Variants in ATP10B observed in about 807,000 individuals in gnomAD.
ATP10B encodes the protein phospholipid-transporting ATPase VB.
A neutral mutation model predicts 141.2 loss-of-function variants in ATP10B; 122 were observed. That is an observed-to-expected ratio of 0.86 (90% CI 0.75 to 1.00). The LOEUF (loss-of-function observed/expected upper bound fraction) is 1.00. Ranked by LOEUF, ATP10B falls within the 50% of genes least tolerant of loss-of-function variation. The pLI is 0.00. For missense variants in ATP10B, 1,876 were observed against 1,825.3 expected (o/e 1.03, Z -0.51); for synonymous variants, 685 against 692.0 (o/e 0.99, Z 0.16).
intron 17 of ATP10B, among the ~76,000 whole-genome samples, chr5:160,615,160 C>T (rs916093287): frequency 3.3e-5 from 5 of 152,174 alleles, no homozygotes; most frequent in African/African-American, 1.2e-4. Context: ...AAACCTTTAG[C>T]AGCTGATTGA....
intron 7 of ATP10B, among the ~76,000 whole-genome samples, chr5:160,667,217 C>CAAAACA (rs1554102358): frequency 6.6e-6 from 1 of 151,624 alleles, no homozygotes; most frequent in African/African-American, 2.4e-5. Flanking sequence ...GACTCTGTCT[C>CAAAACA]AAAACAAAAA....
intron 7 of ATP10B, among the ~76,000 whole-genome samples, chr5:160,663,897 G>A (rs1384486289): frequency 6.6e-6 from 1 of 152,178 alleles, no homozygotes; most frequent in Non-Finnish European, 1.5e-5. Context: ...AACTGTTCTT[G>A]CCTCATTTGT....
the ATP10B span, among the ~76,000 whole-genome samples, chr5:160,907,344 T>C: frequency 2.0e-5 from 3 of 152,044 alleles, no homozygotes; most frequent in African/African-American, 4.8e-5. Flanking sequence ...TGCCAGGCAA[T>C]GTACTAAACG....
chr5:160,672,524 A>G (rs1762775971), intron 6 of ATP10B, among the ~76,000 whole-genome samples: 1 of 152,176 alleles, frequency 6.6e-6, no homozygotes, highest in Non-Finnish European at 1.5e-5. Flanking sequence ...GTGTGGGCTC[A>G]TCTGTCTGCA....
chr5:160,813,660 G>T (rs901773351), intron 1 of ATP10B, among the ~76,000 whole-genome samples: 1 of 152,240 alleles, frequency 6.6e-6, no homozygotes, highest in African/African-American at 2.4e-5. Context: ...CGCAGCTGGA[G>T]ATCTGAGAAC....
intron 2 of ATP10B, among the ~76,000 whole-genome samples, chr5:160,780,294 T>C (rs553849324): frequency 6.6e-6 from 1 of 152,252 alleles, no homozygotes; most frequent in East Asian, 1.9e-4. Context: ...TTTTAAACCA[T>C]GATTTAGCCT....
chr5:160,871,032 G>A, the ATP10B span, among the ~76,000 whole-genome samples: 1 of 42,116 alleles, frequency 2.4e-5, no homozygotes, highest in Non-Finnish European at 6.6e-5. Flanking sequence ...AAAAATTGAG[G>A]GAATTCATTG....
At chr5:160,789,989 C>T (rs1215239527) in intron 1 of ATP10B, among the ~76,000 whole-genome samples, 1 of 152,070 alleles carries the variant, frequency 6.6e-6, no homozygotes, top group African/African-American at 2.4e-5. Context: ...AATTCCTTAT[C>T]CTCTTCGAGC....
intron 3 of ATP10B, among the ~76,000 whole-genome samples, chr5:160,709,878 G>A (rs1765276442): frequency 9.1e-6 from 1 of 109,830 alleles, no homozygotes; most frequent in Non-Finnish European, 1.8e-5. Flanking sequence ...TTTTGTTCTT[G>A]CGATAGTTTA....
chr5:160,654,999 A>G (rs1366322249), intron 7 of ATP10B, among the ~76,000 whole-genome samples: 4 of 152,098 alleles, frequency 2.6e-5, no homozygotes, highest in Non-Finnish European at 4.4e-5. Flanking sequence ...CCTTAACCAC[A>G]GTGTTATTTG....
At chr5:160,792,020 C>A (rs1427569213) in intron 1 of ATP10B, among the ~76,000 whole-genome samples, 1 of 152,118 alleles carries the variant, frequency 6.6e-6, no homozygotes, top group Non-Finnish European at 1.5e-5. Flanking sequence ...ACTCCATTTT[C>A]CAGTCTACCT....
chr5:160,874,382 G>C, the ATP10B span, among the ~76,000 whole-genome samples: 2 of 152,118 alleles, frequency 1.3e-5, no homozygotes, highest in East Asian at 1.9e-4. Context: ...AAACTCATCT[G>C]TACATCACCA....
intron 1 of ATP10B, among the ~76,000 whole-genome samples, chr5:160,844,401 C>T (rs1775992494): frequency 6.6e-6 from 1 of 152,068 alleles, no homozygotes; most frequent in African/African-American, 2.4e-5. Context: ...CATGAAGCAA[C>T]AAAAATGAAT....
chr5:160,849,488 C>T (rs951633766), intron 1 of ATP10B, among the ~76,000 whole-genome samples: 7 of 152,100 alleles, frequency 4.6e-5, no homozygotes, highest in Non-Finnish European at 1.0e-4. Context: ...TTTCTCCAGA[C>T]GTTTAAGACA....
the ATP10B span, among the ~76,000 whole-genome samples, chr5:160,898,109 G>A: frequency 2.0e-5 from 3 of 150,130 alleles, no homozygotes; most frequent in East Asian, 5.9e-4. Context: ...CATTGGCAAC[G>A]AAACCAAAAG....
chr5:160,773,368 A>G (rs568782418), intron 2 of ATP10B, among the ~76,000 whole-genome samples: 2 of 152,288 alleles, frequency 1.3e-5, no homozygotes, highest in South Asian at 4.2e-4. Context: ...ATGGGTAGGA[A>G]GTCTGGGTAC....
the ATP10B span, among the ~76,000 whole-genome samples, chr5:160,902,309 C>T: frequency 7.2e-5 from 11 of 152,222 alleles, no homozygotes; most frequent in East Asian, 1.9e-3. Flanking sequence ...TTCCAGTGGG[C>T]ACGAGGGTTG....
chr5:160,854,423 T>G (rs1450173338), upstream of ATP10B, among the ~76,000 whole-genome samples: 3 of 152,074 alleles, frequency 2.0e-5, no homozygotes, highest in Non-Finnish European at 4.4e-5. Flanking sequence ...ACATGTGGTG[T>G]TTGGTTTTCT....
intron 13 of ATP10B, among the ~76,000 whole-genome samples, chr5:160,625,349 C>T (rs1758556437): frequency 6.6e-6 from 1 of 152,164 alleles, no homozygotes; most frequent in South Asian, 2.1e-4. Context: ...ATCCTTAAGG[C>T]TCAGCAGATA....
Sources: allele counts gnomAD v4.1 joint callset (sites outside exome capture counted in the v4.1 genomes callset), GRCh38; gene constraint gnomAD v4.1.1; transcripts MANE v1.5; gene names NCBI Gene and HGNC (gene_info 2026-07-23, HGNC 2026-07-21).